The following GABRG3 variants were observed in gnomAD, a reference collection of about 807,000 sequenced individuals.
The protein encoded by GABRG3 is gamma-aminobutyric acid type A receptor subunit gamma3.
A neutral mutation model predicts 48.8 loss-of-function variants in GABRG3; 25 were observed. The ratio of observed to expected loss-of-function variants is 0.51; its 90% CI spans 0.37 to 0.72. The LOEUF (loss-of-function observed/expected upper bound fraction) is 0.72. Among genes scored for constraint, GABRG3 ranks in the 30% least tolerant of loss-of-function variants. The pLI is 0.00. For missense variants in GABRG3, 394 were observed against 577.9 expected (o/e 0.68, Z 3.26); for synonymous variants, 227 against 217.6 (o/e 1.04, Z -0.38).
At chr15:27,149,430 G>T (rs1898269402) in intron 3 of GABRG3, among the ~76,000 whole-genome samples, 1 of 142,572 alleles carries the variant, frequency 7.0e-6, no homozygotes, top group Non-Finnish European at 1.5e-5. Flanking sequence ...TCTAGATTCA[G>T]TAGAATCCCT....
intron 3 of GABRG3, among the ~76,000 whole-genome samples, chr15:27,269,684 C>T (rs1595625860): frequency 6.6e-6 from 1 of 152,250 alleles, no homozygotes; most frequent in East Asian, 1.9e-4. Context: ...CCTGCGTAGT[C>T]CTGACATTAA....
intron 3 of GABRG3, among the ~76,000 whole-genome samples, chr15:27,094,958 C>G (rs1241391546): frequency 6.6e-6 from 1 of 152,114 alleles, no homozygotes; most frequent in East Asian, 1.9e-4. Context: ...ATACACAAGA[C>G]ACATAATTAT....
chr15:27,060,085 A>G (rs1376011826), intron 3 of GABRG3, among the ~76,000 whole-genome samples: 1 of 152,238 alleles, frequency 6.6e-6, no homozygotes, highest in Non-Finnish European at 1.5e-5. Flanking sequence ...TTATTTTAAA[A>G]TGTGTATTTT....
chr15:27,212,769 G>T (rs1158368363), intron 3 of GABRG3, among the ~76,000 whole-genome samples: 1 of 152,056 alleles, frequency 6.6e-6, no homozygotes, highest in East Asian at 1.9e-4. Flanking sequence ...TCTCCTTTCA[G>T]TCTCTATGAC....
At chr15:27,528,016 A>G (rs1461806779) in intron 9 of GABRG3, 24 bp downstream of exon 9, 6 of 1,545,688 alleles carry the variant, frequency 3.9e-6, no homozygotes, top group Non-Finnish European at 5.3e-6. Context: ...TGCAGGTGCC[A>G]ATATTTCTGA....
At chr15:27,209,366 CCTTCTTTCT>C (rs1159458321) in intron 3 of GABRG3, among the ~76,000 whole-genome samples, 1 of 151,958 alleles carries the variant, frequency 6.6e-6, no homozygotes, top group Non-Finnish European at 1.5e-5. Context: ...TTCCTTCCTT[CCTTCTTTCT>C]TTTCTTTTCT....
intron 3 of GABRG3, among the ~76,000 whole-genome samples, chr15:27,193,751 T>C (rs952770312): frequency 1.2e-4 from 19 of 152,150 alleles, no homozygotes; most frequent in African/African-American, 3.6e-4. Flanking sequence ...TGTCTGGCAC[T>C]CCCTAGTGAG....
At chr15:27,329,660 T>A (rs574606636) in intron 5 of GABRG3, among the ~76,000 whole-genome samples, 1 of 152,356 alleles carries the variant, frequency 6.6e-6, no homozygotes, top group South Asian at 2.1e-4. Flanking sequence ...ATTGAACCAT[T>A]GTAAGATGAT....
chr15:27,162,046 A>G (rs185179104), intron 3 of GABRG3, among the ~76,000 whole-genome samples: 1 of 152,116 alleles, frequency 6.6e-6, no homozygotes, highest in South Asian at 2.1e-4. Context: ...TGAAGGGAAA[A>G]TTTATGCAAT....
chr15:27,259,651 G>T (rs978163670), intron 3 of GABRG3, among the ~76,000 whole-genome samples: 2 of 152,218 alleles, frequency 1.3e-5, no homozygotes, highest in South Asian at 2.1e-4. Context: ...CCTTCTGGGG[G>T]TTAACTTGTC....
intron 3 of GABRG3, among the ~76,000 whole-genome samples, chr15:27,211,036 G>A (rs1338570052): frequency 6.6e-6 from 1 of 152,214 alleles, no homozygotes; most frequent in Non-Finnish European, 1.5e-5. Context: ...GTCTTAGCCT[G>A]TAAGGGAGTA....
intron 3 of GABRG3, among the ~76,000 whole-genome samples, chr15:27,276,454 G>A (rs182414763): frequency 3.2e-4 from 49 of 152,268 alleles, no homozygotes; most frequent in Admixed American, 9.2e-4. Context: ...GCCATTGTCC[G>A]TTGTCTGTTC....
At chr15:26,987,209 G>A (rs1431044793) in intron 2 of GABRG3, among the ~76,000 whole-genome samples, 1 of 151,138 alleles carries the variant, frequency 6.6e-6, no homozygotes, top group Admixed American at 6.6e-5. Context: ...AGTGAGCCGA[G>A]ATCACACCAT....
chr15:27,494,593 G>T (rs1890437748), intron 6 of GABRG3, among the ~76,000 whole-genome samples: 1 of 152,018 alleles, frequency 6.6e-6, no homozygotes, highest in Non-Finnish European at 1.5e-5. Context: ...CCTATAAATT[G>T]GTTTATTTCA....
Position 26,971,508 on chromosome 15 carries a change from G to A in GABRG3, c.-28G>A, listed in dbSNP as rs375939153. ...GAAGCCGCGCCCGGCCGAGGCCCCGGACCCTGCGCCCCGAGCTCCACGGCA... is the reference window on the plus strand; with the variant it reads ...GAAGCCGCGCCCGGCCGAGGCCCCGAACCCTGCGCCCCGAGCTCCACGGCA... On this transcript the variant is annotated 5_prime_UTR_variant, in exon 1 of 10. Coordinates refer to ENST00000615808, the MANE Select transcript of GABRG3 (RefSeq NM_033223.5). 24 of 1,502,822 alleles carry A rather than the reference G, an allele frequency of 1.6e-5. No individual in the cohort carries two copies. The African/African-American group carries it at 2.9e-4, about 18-fold the overall frequency. 93.1% of individuals were successfully genotyped at this position (1,502,822 alleles called of 1,614,324 possible).
At chr15:27,267,040 A>G (rs1890941948) in intron 3 of GABRG3, among the ~76,000 whole-genome samples, 1 of 151,758 alleles carries the variant, frequency 6.6e-6, no homozygotes, top group Non-Finnish European at 1.5e-5. Context: ...AAAGTTTAAC[A>G]GATGGAGAGC....
At chr15:27,218,198 A>T (rs1454352867) in intron 3 of GABRG3, among the ~76,000 whole-genome samples, 1 of 151,840 alleles carries the variant, frequency 6.6e-6, no homozygotes, top group African/African-American at 2.4e-5. Flanking sequence ...TTAATGTTTA[A>T]TATTTGTTAA....
intron 2 of GABRG3, among the ~76,000 whole-genome samples, chr15:26,998,193 C>G (rs1196352214): frequency 6.6e-6 from 1 of 152,198 alleles, no homozygotes; most frequent in African/African-American, 2.4e-5. Context: ...GGTTACTCTA[C>G]TGCTTTGTTT....
rs189533588 is a variant in GABRG3, at chr15:27,319,052, A to G, written c.271-7757A>G. On this transcript the variant is annotated intron_variant, in intron 3 of 9. Transcript: ENST00000615808. The surrounding 1 kb of genome is among the most constrained non-coding windows in gnomAD (Gnocchi z 4.4). ...AACTGGCTAAGAGGGTAGATCATAA[A>G]TGTTCTCACCACCATAAAAAAATAA... 2.6e-5 allele frequency among the ~76,000 whole-genome samples: 4 copies of G among 152,240 alleles called. No homozygotes were observed. Among genetic ancestry groups the G allele is most frequent in the African/African-American group, 9.6e-5 (4 of 41,544 alleles).
Sources: allele counts gnomAD v4.1 joint callset (sites outside exome capture counted in the v4.1 genomes callset), GRCh38; gene constraint gnomAD v4.1.1; non-coding constraint Gnocchi (gnomAD v3.1); transcripts MANE v1.5; gene names NCBI Gene and HGNC (gene_info 2026-07-23, HGNC 2026-07-21).